The following RIMS4 variants were observed in gnomAD, a reference collection of about 807,000 sequenced individuals.
RIMS4 encodes regulating synaptic membrane exocytosis 4, also known as regulating synaptic membrane exocytosis protein 4.
RIMS4 carries 9 observed loss-of-function variants against 29.0 expected under a neutral mutation model. The ratio of observed to expected loss-of-function variants is 0.31; its 90% CI spans 0.19 to 0.54. RIMS4 has a LOEUF of 0.54. Among genes scored for constraint, RIMS4 ranks in the 20% least tolerant of loss-of-function variants. The pLI is 0.94. For synonymous variants in RIMS4, 130 were observed against 152.9 expected (o/e 0.85, Z 1.10); for missense variants, 193 against 365.7 (o/e 0.53, Z 3.85).
intron 1 of RIMS4, among the ~76,000 whole-genome samples, chr20:44,794,430 G>A (rs1019116972): frequency 1.3e-5 from 2 of 152,184 alleles, no homozygotes; most frequent in African/African-American, 4.8e-5. Context: ...TAACTAAAGA[G>A]CGGTTTTCCT....
intron 1 of RIMS4, among the ~76,000 whole-genome samples, chr20:44,793,782 A>G (rs1435148276): frequency 6.6e-6 from 1 of 152,110 alleles, no homozygotes; most frequent in Non-Finnish European, 1.5e-5. Context: ...TAAAGGTAGA[A>G]ATGAAGGCTG....
intron 1 of RIMS4, 24 bp downstream of exon 1, chr20:44,810,151 C>A: frequency 6.6e-7 from 1 of 1,503,858 alleles, no homozygotes. Flanking sequence ...CCCCGGGGGT[C>A]TGGGGGGCGG....
chr20:44,764,906 A>G (rs1175181006), intron 2 of RIMS4, among the ~76,000 whole-genome samples: 1 of 152,190 alleles, frequency 6.6e-6, no homozygotes, highest in African/African-American at 2.4e-5. Context: ...CATTCAAGGT[A>G]TTTCCAAGCC....
intron 1 of RIMS4, among the ~76,000 whole-genome samples, chr20:44,780,252 T>A (rs1043352746): frequency 1.3e-5 from 2 of 152,184 alleles, no homozygotes; most frequent in Non-Finnish European, 2.9e-5. Flanking sequence ...TCTGACATGT[T>A]TTAGCTCCCT....
intron 1 of RIMS4, among the ~76,000 whole-genome samples, chr20:44,799,455 G>A (rs2066268647): frequency 1.3e-5 from 2 of 152,228 alleles, no homozygotes; most frequent in South Asian, 2.1e-4. Flanking sequence ...TGGCTCGGGG[G>A]TGGCTCGGCC....
At chr20:44,770,449 C>T (rs2066131991) in intron 2 of RIMS4, among the ~76,000 whole-genome samples, 1 of 152,128 alleles carries the variant, frequency 6.6e-6, no homozygotes, top group South Asian at 2.1e-4. Context: ...TGAGGGTGTA[C>T]ATGCACTGAG....
At chr20:44,767,594 GAA>G (rs1156698229) in intron 2 of RIMS4, among the ~76,000 whole-genome samples, 1 of 152,178 alleles carries the variant, frequency 6.6e-6, no homozygotes, top group Non-Finnish European at 1.5e-5. Flanking sequence ...CCATTAAAGA[GAA>G]AAAGAGTGTA....
At chr20:44,792,376 T>C (rs1466915755) in intron 1 of RIMS4, among the ~76,000 whole-genome samples, 1 of 151,408 alleles carries the variant, frequency 6.6e-6, no homozygotes, top group African/African-American at 2.4e-5. Flanking sequence ...CACTGCAACC[T>C]CCACCTCCTA....
At chr20:44,799,957 C>G (rs918926683) in intron 1 of RIMS4, among the ~76,000 whole-genome samples, 8 of 152,178 alleles carry the variant, frequency 5.3e-5, no homozygotes, top group African/African-American at 1.9e-4. Flanking sequence ...TCATCTAATC[C>G]TCTTGACACC....
intron 1 of RIMS4, among the ~76,000 whole-genome samples, chr20:44,791,453 G>C (rs551829906): frequency 2.4e-4 from 36 of 152,266 alleles, no homozygotes; most frequent in Non-Finnish European, 4.3e-4. Context: ...TTTCTTAGAG[G>C]TTTGCTCCAA....
intron 1 of RIMS4, among the ~76,000 whole-genome samples, chr20:44,780,082 T>C (rs992120018): frequency 3.3e-5 from 5 of 152,208 alleles, no homozygotes; most frequent in African/African-American, 9.7e-5. Flanking sequence ...ATTCAATAAA[T>C]ACTGGCTATT....
chr20:44,779,478 C>G (rs1360062327), intron 1 of RIMS4, among the ~76,000 whole-genome samples: 1 of 152,126 alleles, frequency 6.6e-6, no homozygotes, highest in Non-Finnish European at 1.5e-5. Context: ...GTAGTTTTCA[C>G]TACATAAAAT....
chr20:44,801,502 T>C (rs1305375812), intron 1 of RIMS4, among the ~76,000 whole-genome samples: 6 of 152,196 alleles, frequency 3.9e-5, no homozygotes, highest in Non-Finnish European at 8.8e-5. Context: ...CAGTAGAGGT[T>C]TGTCCTCAAA....
rs1287206986 is a variant in RIMS4 at position 44,810,541 on chromosome 20, C to G, written c.-270G>C. 1.4e-5 allele frequency among the ~76,000 whole-genome samples: 2 copies of G among 142,302 alleles called. No homozygotes were observed. The highest frequency in any genetic ancestry group is 1.4e-4 in the Admixed American group (2 of 14,094). 93.4% of individuals were successfully genotyped at this position (142,302 alleles called of 152,430 possible). On this transcript the variant is annotated 5_prime_UTR_variant, in exon 1 of 6. Coordinates refer to ENST00000372851, the MANE Select transcript of RIMS4 (RefSeq NM_182970.4). ...TGGCGGCGGCGGTGGCGGCGCAGCG[C>G]GCTCTGGTCCGCGGCGCCCCCCGCC...
intron 2 of RIMS4, among the ~76,000 whole-genome samples, chr20:44,766,012 T>C (rs59361778): frequency 0.058 from 8,755 of 152,178 alleles, 821 homozygotes; most frequent in African/African-American, 0.2. Flanking sequence ...TAGACAGGCA[T>C]TGAACTCAGT....
chr20:44,808,560 A>G (rs1394716012), intron 1 of RIMS4, among the ~76,000 whole-genome samples: 5 of 152,252 alleles, frequency 3.3e-5, no homozygotes, highest in South Asian at 2.1e-4. Context: ...AACCTCCCTC[A>G]GCTACATGAA....
rs548894778 is a variant in RIMS4 at position 44,767,070 on chromosome 20, T to G, written c.236+4205A>C. The stretch of plus-strand genomic sequence containing the variant: ...CTGGTTGCCCACCAGGAAAGCTGGC[T>G]TCTTAAAGCATGCTTTGTTGGGTGC... On this transcript the variant is annotated intron_variant, in intron 2 of 5. Transcript: ENST00000372851. Among the ~76,000 whole-genome samples, 21 of 152,326 alleles carry G rather than the reference T, an allele frequency of 1.4e-4. No homozygotes were observed. In the Middle Eastern group the frequency reaches 0.014, roughly 99 times the overall value.
At chr20:44,797,499 G>A (rs1306203183) in intron 1 of RIMS4, among the ~76,000 whole-genome samples, 3 of 152,178 alleles carry the variant, frequency 2.0e-5, no homozygotes, top group Admixed American at 6.5e-5. Flanking sequence ...TTCTTTCTCT[G>A]CCTCACTTTC....
intron 1 of RIMS4, among the ~76,000 whole-genome samples, chr20:44,805,950 C>T (rs973759888): frequency 2.0e-5 from 3 of 152,188 alleles, no homozygotes; most frequent in Admixed American, 1.3e-4. Context: ...AAATGGGGAG[C>T]GGGGCGCTGT....
Sources: gnomAD v4.1 joint callset for allele counts (sites outside exome capture counted in the v4.1 genomes callset) on GRCh38, gnomAD v4.1.1 for gene constraint, MANE v1.5 for transcripts, NCBI Gene and HGNC (gene_info 2026-07-23, HGNC 2026-07-21) for gene names.